The following TLN1 variants were observed in gnomAD, a reference collection of about 807,000 sequenced individuals.
The protein encoded by TLN1 is talin-1.
TLN1 carries 56 observed loss-of-function variants against 292.3 expected under a neutral mutation model. The ratio of observed to expected loss-of-function variants is 0.19; its 90% CI spans 0.15 to 0.24. The LOEUF (loss-of-function observed/expected upper bound fraction) is 0.24. Among genes scored for constraint, TLN1 ranks in the 10% least tolerant of loss-of-function variants. TLN1 has a pLI of 1.00. For synonymous variants in TLN1, 1,119 were observed against 1,253.7 expected (o/e 0.89, Z 2.27); for missense variants, 2,433 against 3,248.2 (o/e 0.75, Z 6.10).
Position 35,705,544 on chromosome 9 carries a change from C to T in TLN1, c.5733+7G>A, listed in dbSNP as rs746231290. 39 of 1,574,014 alleles carry T rather than the reference C, an allele frequency of 2.5e-5. No individual in the cohort carries two copies. The East Asian group carries it at 6.3e-4, about 25-fold the overall frequency. The stretch of plus-strand genomic sequence containing the variant: ...AGGGGGCAGGGCAGAGTTGCCTCCA[C>T]GTTTACCTCTTCATTTTCAGCAGCC... On this transcript the variant is annotated splice_region_variant and intron_variant, in intron 43 of 56. Coordinates refer to ENST00000314888, the MANE Select transcript of TLN1 (RefSeq NM_006289.4).
chr9:35,699,277 C>G lies in TLN1; in HGVS notation c.6874+79G>C. ...TGGGGACTATGGTCAGAGGCTAGCA[C>G]AGAGCTGTCCAGCCAGGAAGCAGAG... On this transcript the variant is annotated intron_variant, in intron 51 of 56. Transcript: ENST00000314888. The surrounding 1 kb of genome is among the most constrained non-coding windows in gnomAD (Gnocchi z 4.0). The G allele has an allele frequency of 1.9e-6, 3 of 1,562,874 alleles. No individual in the cohort carries two copies. The highest frequency in any genetic ancestry group is 1.7e-4 in the Middle Eastern group (1 of 5,806).
In TLN1 at chr9:35,712,065, G is replaced by A. The variant is rs145275772; in HGVS notation, c.3621C>T (p.Arg1207=). Residue 1207 remains arginine (R), a synonymous_variant, in exon 28 of 57, where the codon CGC becomes CGT. Transcript: ENST00000314888. ...CTGCCCTCAGGGCATTATCCACATC[G>A]CGCTGGCCAGGTAGGCAGCTGACAC... ...NRCVSCLPGQ[R]DVDNALRAVG... The A allele has an allele frequency of 2.0e-5, 33 of 1,613,918 alleles. No homozygotes were observed. Among genetic ancestry groups the A allele is most frequent in the African/African-American group, 6.7e-5 (5 of 74,898 alleles).
At chr9:35,722,353 A>G in intron 8 of TLN1, 130 bp from the exon 9 acceptor site, 1 of 785,272 alleles carries the variant, frequency 1.3e-6, no homozygotes, top group East Asian at 2.6e-5. Flanking sequence ...AAGATATGAG[A>G]ACGAGAGGGT....
At position 35,704,853 on chromosome 9, in the gene TLN1, G is replaced by A. The variant is rs751439835; in HGVS notation, c.5734-38C>T. The A allele has an allele frequency of 1.4e-5, 23 of 1,601,698 alleles. No homozygotes were observed. In the South Asian group the frequency reaches 1.9e-4, roughly 13 times the overall value. The stretch of plus-strand genomic sequence containing the variant: ...GGAAAGACAGATGGATTTTACAAGG[G>A]GCACTCAGGGTACCTTCACTGTGCT... On this transcript the variant is annotated intron_variant, in intron 43 of 56. Transcript: ENST00000314888. This position sits in a 1 kb window ranked among gnomAD's most constrained non-coding sequence, Gnocchi z 6.9.
Position 35,699,711 on chromosome 9 carries a change from G to A in TLN1, c.6769-250C>T, listed in dbSNP as rs1488790031. The A allele has an allele frequency of 5.1e-6, 5 of 984,966 alleles. No individual in the cohort carries two copies. Among genetic ancestry groups the A allele is most frequent in the Non-Finnish European group, 4.8e-6 (4 of 829,652 alleles). The allele number at this position is 984,966 out of a possible 1,614,324, so 61.0% of individuals were successfully genotyped here. On this transcript the variant is annotated intron_variant, in intron 50 of 56. Coordinates refer to ENST00000314888, the MANE Select transcript of TLN1 (RefSeq NM_006289.4). The surrounding 1 kb of genome is among the most constrained non-coding windows in gnomAD (Gnocchi z 4.0). ...ATGATGAGATGAAAGAGGAGACGAC[G>A]AAAGTAGAGAAGGGGGTGGTCAGGT...
At chr9:35,700,116 G>A (rs778587047) in intron 49 of TLN1, 35 bp from the exon 50 acceptor site, 50 of 1,597,018 alleles carry the variant, frequency 3.1e-5, no homozygotes, top group Middle Eastern at 1.7e-4. Context: ...TTTAGGCCCC[G>A]CAGATCCCTA....
In TLN1 at chr9:35,706,137, T is replaced by C. The variant is rs769579889; in HGVS notation, c.5362-26A>G. The C allele has an allele frequency of 1.2e-6, 2 of 1,613,236 alleles. No homozygotes were observed. Among genetic ancestry groups the C allele is most frequent in the South Asian group, 2.2e-5 (2 of 91,024 alleles). On this transcript the variant is annotated intron_variant, in intron 40 of 56. Transcript: ENST00000314888. The surrounding 1 kb of genome is among the most constrained non-coding windows in gnomAD (Gnocchi z 4.2). ...CTGTGGGGAGAGGAGAGGAGCTCTG[T>C]TGTTCCTGTTTCTCCAGCCTCCTGC...
chr9:35,707,906 T>G lies in TLN1; in HGVS notation c.4471-14A>C. 6.2e-7 allele frequency: 1 copy of G among 1,612,312 alleles called. No homozygotes were observed. Among genetic ancestry groups the G allele is most frequent in the South Asian group, 1.1e-5 (1 of 91,026 alleles). On this transcript the variant is annotated splice_polypyrimidine_tract_variant and intron_variant, in intron 34 of 56. Transcript: ENST00000314888. This position sits in a 1 kb window ranked among gnomAD's most constrained non-coding sequence, Gnocchi z 5.6. ...TGCAGAGAGCACCTGAGGAGACACA[T>G]GGAAGAGCCACGATGAGGGCAGGAA...
In TLN1 at chr9:35,717,878, G is replaced by T; in HGVS notation, c.1996-92C>A. On this transcript the variant is annotated intron_variant, in intron 17 of 56. Coordinates refer to ENST00000314888, the MANE Select transcript of TLN1 (RefSeq NM_006289.4). The surrounding 1 kb of genome is among the most constrained non-coding windows in gnomAD (Gnocchi z 4.7). Reference sequence around the variant, plus strand: ...CGTAAGCTGCTTCATTATTCCCACTGATCCAATCAAAGGAGAGTGTACGCA... The same window carrying T: ...CGTAAGCTGCTTCATTATTCCCACTTATCCAATCAAAGGAGAGTGTACGCA... 6.9e-7 allele frequency: 1 copy of T among 1,440,280 alleles called. No individual in the cohort carries two copies. The highest frequency in any genetic ancestry group is 9.4e-7 in the Non-Finnish European group (1 of 1,059,896). 89.2% of individuals were successfully genotyped at this position (1,440,280 alleles called of 1,614,324 possible). A position where few individuals can be genotyped will look rare whatever the true frequency, so the allele number is the denominator to read the frequency against.
At chr9:35,708,246 C>T (rs776408930) in intron 34 of TLN1, 95 bp downstream of exon 34, 3 of 1,449,280 alleles carry the variant, frequency 2.1e-6, no homozygotes, top group Non-Finnish European at 2.8e-6. Flanking sequence ...AGATGGGTCC[C>T]TGCCCTCTTT....
chr9:35,708,519 A>C, intron 33 of TLN1, 35 bp from the exon 34 acceptor site: 1 of 1,510,914 alleles, frequency 6.6e-7, no homozygotes, highest in Non-Finnish European at 8.9e-7. Flanking sequence ...GTGAGGAATA[A>C]AGATTGCAGG....
In TLN1 at chr9:35,717,941, C is replaced by CACCCA. The variant is rs776769890; in HGVS notation, c.1996-160_1996-156dup. ...ACCTACCCCGAGCTACTGCCCTGAG[C>CACCCA]ACCCAGCAGGACAGAACCCCCACCG... is the stretch of plus-strand genomic sequence containing the variant. On this transcript the variant is annotated intron_variant, in intron 17 of 56. Transcript: ENST00000314888. The surrounding 1 kb of genome is among the most constrained non-coding windows in gnomAD (Gnocchi z 4.7). Among the ~76,000 whole-genome samples, 108 of 152,258 alleles carry CACCCA rather than the reference C, an allele frequency of 7.1e-4. No homozygotes were observed. Among genetic ancestry groups the CACCCA allele is most frequent in the Non-Finnish European group, 1.3e-3 (88 of 68,004 alleles).
chr9:35,729,175 C>T (rs904736798), intron 1 of TLN1, among the ~76,000 whole-genome samples: 3 of 152,248 alleles, frequency 2.0e-5, no homozygotes, highest in Non-Finnish European at 2.9e-5. Context: ...ATGTTAAATA[C>T]TTGTTCAAAT....
At chr9:35,725,049 C>T (rs1825945394) in intron 3 of TLN1, 90 bp from the exon 4 acceptor site, 1 of 1,592,432 alleles carries the variant, frequency 6.3e-7, no homozygotes, top group Admixed American at 1.7e-5. Flanking sequence ...GAGTGGAGCA[C>T]TGAAAGGAAG....
intron 33 of TLN1, 73 bp downstream of exon 33, chr9:35,710,488 G>A: frequency 6.4e-7 from 1 of 1,560,152 alleles, no homozygotes; most frequent in East Asian, 2.3e-5. Flanking sequence ...TTTATCTACA[G>A]GTATGTCAGG....
intron 1 of TLN1, among the ~76,000 whole-genome samples, chr9:35,728,040 T>C (rs1013559377): frequency 6.6e-6 from 1 of 152,114 alleles, no homozygotes; most frequent in African/African-American, 2.4e-5. Flanking sequence ...TCCATTGTGT[T>C]TGATGGAACA....
In TLN1 at chr9:35,697,681, A is replaced by G; in HGVS notation, c.*110T>C. On this transcript the variant is annotated 3_prime_UTR_variant, in exon 57 of 57. Transcript: ENST00000314888. ...GGCCAGGCCCTGGGGTTTGGCAGGC[A>G]CTTTGGGGAGTGCTGGGGTTGGGCA... 1 of 1,500,666 alleles carries G rather than the reference A, an allele frequency of 6.7e-7. No individual in the cohort carries two copies. The allele number at this position is 1,500,666 out of a possible 1,614,324, so 93.0% of individuals were successfully genotyped here.
rs1227633670 is a variant in TLN1 at position 35,704,895 on chromosome 9, G to A, written c.5734-80C>T. ...CACTGTGCTTGGAAAAGTCACTAAG[G>A]ACATAGAAAAAAACATGCATTGTAG... On this transcript the variant is annotated intron_variant, in intron 43 of 56. Coordinates refer to ENST00000314888, the MANE Select transcript of TLN1 (RefSeq NM_006289.4). This position sits in a 1 kb window ranked among gnomAD's most constrained non-coding sequence, Gnocchi z 6.9. 14 of 1,455,730 alleles carry A rather than the reference G, an allele frequency of 9.6e-6. No homozygotes were observed. The South Asian group carries it at 1.0e-4, about 10-fold the overall frequency. 90.2% of individuals were successfully genotyped at this position (1,455,730 alleles called of 1,614,324 possible). A position where few individuals can be genotyped will look rare whatever the true frequency, so the allele number is the denominator to read the frequency against.
chr9:35,721,507 G>T, intron 10 of TLN1, 141 bp downstream of exon 10: 1 of 837,410 alleles, frequency 1.2e-6, no homozygotes, highest in Non-Finnish European at 1.8e-6. Flanking sequence ...TCTCCCAGAG[G>T]AAGATTCTCC....
Sources: gnomAD v4.1 joint callset for allele counts (sites outside exome capture counted in the v4.1 genomes callset) on GRCh38, gnomAD v4.1.1 for gene constraint, Gnocchi (gnomAD v3.1) non-coding constraint, MANE v1.5 for transcripts, NCBI Gene and HGNC (gene_info 2026-07-23, HGNC 2026-07-21) for gene names.